ZNF69: variants seen among roughly 807,000 people sequenced by gnomAD.
The protein encoded by ZNF69 is ZNF3.
A neutral mutation model predicts 50.9 loss-of-function variants in ZNF69; 47 were observed. The observed-to-expected ratio is 0.92, with a 90% CI of 0.73 to 1.18. The LOEUF (loss-of-function observed/expected upper bound fraction) is 1.18. ZNF69 is among the 50% of genes most tolerant of loss of function. The pLI, the probability that ZNF69 is intolerant of heterozygous loss-of-function variation, is 0.00. For missense variants in ZNF69, 717 were observed against 675.1 expected (o/e 1.06, Z -0.69); for synonymous variants, 216 against 223.1 (o/e 0.97, Z 0.29).
chr19:11,927,446 A>AT, the ZNF69 span, among the ~76,000 whole-genome samples: 26 of 150,954 alleles, frequency 1.7e-4, no homozygotes, highest in Non-Finnish European at 3.0e-4. Flanking sequence ...AAATAAATAA[A>AT]TAAATAAATA....
chr19:11,939,049 C>A, the ZNF69 span, among the ~76,000 whole-genome samples: 2 of 152,160 alleles, frequency 1.3e-5, no homozygotes, highest in Admixed American at 1.3e-4. Flanking sequence ...TGTTCATGTC[C>A]TTTGCCCACT....
At chr19:11,937,093 T>C in the ZNF69 span, among the ~76,000 whole-genome samples, 2 of 152,224 alleles carry the variant, frequency 1.3e-5, no homozygotes, top group Non-Finnish European at 2.9e-5. Context: ...TGAAGTCCAA[T>C]TTATCGATTT....
intron 1 of ZNF69, among the ~76,000 whole-genome samples, chr19:11,888,955 G>A (rs1228816500): frequency 1.3e-5 from 2 of 151,920 alleles, no homozygotes; most frequent in Non-Finnish European, 2.9e-5. Context: ...TCAGCACAGA[G>A]TGCGACTCTG....
the ZNF69 span, among the ~76,000 whole-genome samples, chr19:11,942,307 C>A: frequency 1.7e-3 from 254 of 151,886 alleles, 3 homozygotes; most frequent in African/African-American, 5.8e-3. Context: ...ACTTTGGGAA[C>A]AGGCATTTTC....
At chr19:11,943,974 T>C in the ZNF69 span, among the ~76,000 whole-genome samples, 26,163 of 151,890 alleles carry the variant, frequency 0.17, 4,784 homozygotes, top group African/African-American at 0.47. Flanking sequence ...AGGTTTTACA[T>C]GACTGTGGTG....
At chr19:11,950,506 G>A in the ZNF69 span, 1 of 644,522 alleles carries the variant, frequency 1.6e-6, no homozygotes, top group Non-Finnish European at 2.9e-6. Context: ...TATCATGAAA[G>A]GACTTACACT....
chr19:11,904,996 C>A lies in ZNF69; in HGVS notation c.599C>A (p.Thr200Asn), dbSNP rs761610592. The change falls in exon 4 of 4, where the codon ACT becomes AAT. Residue 200 changes from threonine to asparagine, a missense_variant. Coordinates refer to ENST00000429654, the MANE Select transcript of ZNF69 (RefSeq NM_001364730.1). ...KPYACKECGK[T>N]FISHSSIQRH... ...TATGCTTGTAAAGAATGTGGAAAAACTTTTATTTCCCATTCAAGCATTCAA... is the reference window on the plus strand; with the variant it reads ...TATGCTTGTAAAGAATGTGGAAAAAATTTTATTTCCCATTCAAGCATTCAA... The A allele has an allele frequency of 5.6e-6, 9 of 1,614,006 alleles. No homozygotes were observed. In the African/African-American group the frequency reaches 9.3e-5, roughly 17 times the overall value.
At chr19:11,974,378 G>A in the ZNF69 span, among the ~76,000 whole-genome samples, 1 of 151,244 alleles carries the variant, frequency 6.6e-6, no homozygotes, top group Non-Finnish European at 1.5e-5. Context: ...TGTATTATTA[G>A]TAGAGATGAC....
Position 11,903,789 on chromosome 19 carries a change from G to A in ZNF69, c.190+90G>A, listed in dbSNP as rs938326041. 28 of 1,602,990 alleles carry A rather than the reference G, an allele frequency of 1.7e-5. No homozygotes were observed. The Admixed American group carries it at 3.8e-4, about 22-fold the overall frequency. ...GTTGAGTGATTTAGAACATAGACAG[G>A]AAATACTTTGATGAATAAATGAGGT... On this transcript the variant is annotated intron_variant, in intron 2 of 3. Coordinates refer to ENST00000429654, the MANE Select transcript of ZNF69 (RefSeq NM_001364730.1).
At chr19:11,908,706 A>G (rs543287259), downstream of ZNF69, among the ~76,000 whole-genome samples, 609 of 152,340 alleles carry the variant, frequency 4.0e-3, 3 homozygotes, top group African/African-American at 0.014. Context: ...CTAAATGCCC[A>G]CAGGAGAAAG....
In ZNF69 at chr19:11,905,413, A is replaced by G. The variant is rs202141798; in HGVS notation, c.1016A>G (p.Lys339Arg). 1 of 1,614,224 alleles carries G rather than the reference A, an allele frequency of 6.2e-7. No homozygotes were observed. Among genetic ancestry groups the G allele is most frequent in the Non-Finnish European group, 8.5e-7 (1 of 1,180,032 alleles). Residue 339 changes from lysine (K) to arginine (R), a missense_variant, in exon 4 of 4, where the codon AAA (lysine) becomes AGA (arginine). Coordinates refer to ENST00000429654, the MANE Select transcript of ZNF69 (RefSeq NM_001364730.1). ...CCCTATGAATGTACGCAGTGTGGGA[A>G]AGCATTATCCTCTCTTACAAGTTTT... The part of the protein sequence containing the change: ...KKPYECTQCG[K>R]ALSSLTSFQT...
At position 11,905,263 on chromosome 19, in the gene ZNF69, G is replaced by C. The variant is rs1972341878; in HGVS notation, c.866G>C (p.Arg289Thr). 1 of 1,613,822 alleles carries C rather than the reference G, an allele frequency of 6.2e-7. No homozygotes were observed. Residue 289 changes from arginine (R) to threonine (T), a missense_variant, in exon 4 of 4, where the codon AGA (arginine) becomes ACA (threonine). By Grantham distance (71) the Arg-to-Thr change is moderately conservative. Coordinates refer to ENST00000429654, the MANE Select transcript of ZNF69 (RefSeq NM_001364730.1). ...TGTGGGAAAGCATTTCATAGTCCCA[G>C]ATGCTATCGTAGACATGAAAGGATT... The part of the protein sequence containing the change: ...QQCGKAFHSP[R>T]CYRRHERIHT...
At chr19:11,964,238 T>C in the ZNF69 span, among the ~76,000 whole-genome samples, 1 of 152,178 alleles carries the variant, frequency 6.6e-6, no homozygotes, top group African/African-American at 2.4e-5. Flanking sequence ...TGCAGAGCCC[T>C]GGAAAGCAGA....
At chr19:11,977,546 AAT>A in the ZNF69 span, 1 of 1,315,938 alleles carries the variant, frequency 7.6e-7, no homozygotes, top group Non-Finnish European at 1.1e-6. Flanking sequence ...CTCTTCTTAG[AAT>A]ATTTTCTCAA....
chr19:11,950,033 A>G, the ZNF69 span: 8 of 1,614,030 alleles, frequency 5.0e-6, no homozygotes, highest in Non-Finnish European at 5.9e-6. Flanking sequence ...GAAAGGAAGC[A>G]CAGAGGAGAG....
At chr19:11,924,555 G>A in the ZNF69 span, among the ~76,000 whole-genome samples, 3 of 152,192 alleles carry the variant, frequency 2.0e-5, no homozygotes, top group African/African-American at 7.2e-5. Context: ...AGTTTACTTA[G>A]GTCAGAAACA....
At chr19:11,970,792 A>G in the ZNF69 span, among the ~76,000 whole-genome samples, 17,234 of 152,174 alleles carry the variant, frequency 0.11, 1,697 homozygotes, top group African/African-American at 0.27. Flanking sequence ...TTAGCTGAGC[A>G]TGGCAGCGCA....
At chr19:11,899,371 C>T (rs1972195601) in intron 1 of ZNF69, among the ~76,000 whole-genome samples, 1 of 152,094 alleles carries the variant, frequency 6.6e-6, no homozygotes, top group Admixed American at 6.6e-5. Flanking sequence ...TCAGGTGATC[C>T]TCCTGCCTGA....
rs1182843588 is a variant in ZNF69 at position 11,887,795 on chromosome 19, A to T, written c.-129A>T. On this transcript the variant is annotated 5_prime_UTR_variant, in exon 1 of 4. Transcript: ENST00000429654. ...GGGTCCCTGCCCACTGTTCCTCCAG[A>T]CACTGAGGGGGTCGCATTCCTTACC... is the stretch of plus-strand genomic sequence containing the variant. 4 of 657,782 alleles carry T rather than the reference A, an allele frequency of 6.1e-6. No homozygotes were observed. Among genetic ancestry groups the T allele is most frequent in the African/African-American group, 1.9e-5 (1 of 52,892 alleles). 40.7% of individuals were successfully genotyped at this position (657,782 alleles called of 1,614,324 possible).
Sources: gnomAD v4.1 joint callset for allele counts (sites outside exome capture counted in the v4.1 genomes callset) on GRCh38, gnomAD v4.1.1 for gene constraint, MANE v1.5 for transcripts, NCBI Gene and HGNC (gene_info 2026-07-23, HGNC 2026-07-21) for gene names.